ABLIM3: variants seen among roughly 807,000 people sequenced by gnomAD.
ABLIM3 encodes actin-binding LIM protein 3.
In ABLIM3, 61 loss-of-function variants were observed where a neutral mutation model predicts 109.5. The ratio of observed to expected loss-of-function variants is 0.56; its 90% CI spans 0.45 to 0.69. The LOEUF (loss-of-function observed/expected upper bound fraction) is 0.69, where lower values mean the gene tolerates loss of function less well. Ranked by LOEUF, ABLIM3 falls within the 30% of genes least tolerant of loss-of-function variation. The probability of loss-of-function intolerance (pLI) is 0.00; values close to 1 mark genes in which losing one functional copy is unlikely to be tolerated. For missense variants in ABLIM3, 796 were observed against 889.5 expected (o/e 0.89, Z 1.34); for synonymous variants, 300 against 324.8 (o/e 0.92, Z 0.82).
intron 2 of ABLIM3, among the ~76,000 whole-genome samples, chr5:149,159,440 A>G (rs886702526): frequency 2.0e-5 from 3 of 152,206 alleles, no homozygotes; most frequent in African/African-American, 7.2e-5. Context: ...CCTTATCTTG[A>G]TTAAACTGTT....
intron 2 of ABLIM3, among the ~76,000 whole-genome samples, chr5:149,155,566 C>G (rs1185300620): frequency 6.6e-6 from 1 of 152,080 alleles, no homozygotes; most frequent in Non-Finnish European, 1.5e-5. Context: ...TCAATCTGGT[C>G]CTTGGGGCAG....
At chr5:149,210,852 C>G (rs371483335) in intron 7 of ABLIM3, 33 bp downstream of exon 7, 4 of 1,595,598 alleles carry the variant, frequency 2.5e-6, no homozygotes, top group Non-Finnish European at 3.4e-6. Context: ...GAAGATGTGG[C>G]AGGGTGATCT....
At chr5:149,149,894 T>A (rs1348024391) in intron 2 of ABLIM3, among the ~76,000 whole-genome samples, 1 of 152,130 alleles carries the variant, frequency 6.6e-6, no homozygotes, top group African/African-American at 2.4e-5. Context: ...CTACCACAAC[T>A]GCCCCTAGCT....
chr5:149,200,501 A>G, intron 5 of ABLIM3, 73 bp downstream of exon 5: 1 of 1,490,692 alleles, frequency 6.7e-7, no homozygotes, highest in Non-Finnish European at 9.3e-7. Flanking sequence ...CAGCACTGCC[A>G]ACTGCTCCCA....
chr5:149,198,856 C>G lies in ABLIM3; in HGVS notation c.335+454C>G, dbSNP rs552597255. Among the ~76,000 whole-genome samples the G allele has an allele frequency of 3.7e-4, 56 of 152,338 alleles. No individual in the cohort carries two copies. Among genetic ancestry groups the G allele is most frequent in the Non-Finnish European group, 5.0e-4 (34 of 68,032 alleles). ...GTTGGAGTGACCCTGGCAAGTGACC[C>G]CCACCTCTGTAAGCCTCAGTTTCTC... is the stretch of plus-strand genomic sequence containing the variant. On this transcript the variant is annotated intron_variant, in intron 4 of 23. Coordinates refer to ENST00000309868, the MANE Select transcript of ABLIM3 (RefSeq NM_014945.5). The surrounding 1 kb of genome is among the most constrained non-coding windows in gnomAD (Gnocchi z 4.2).
In ABLIM3 at chr5:149,198,502, G is replaced by A; in HGVS notation, c.335+100G>A. The A allele has an allele frequency of 7.2e-7, 1 of 1,386,756 alleles. No individual in the cohort carries two copies. Among genetic ancestry groups the A allele is most frequent in the East Asian group, 2.5e-5 (1 of 39,832 alleles). 85.9% of individuals were successfully genotyped at this position (1,386,756 alleles called of 1,614,324 possible). A position where few individuals can be genotyped will look rare whatever the true frequency, so the allele number is the denominator to read the frequency against. Reference sequence around the variant, plus strand: ...GGAAGTTCTGGGGTTTACAAGGTTTGTGCTGCACATTTAGATTTCTGGAAC... The same window carrying A: ...GGAAGTTCTGGGGTTTACAAGGTTTATGCTGCACATTTAGATTTCTGGAAC... On this transcript the variant is annotated intron_variant, in intron 4 of 23. Transcript: ENST00000309868. The surrounding 1 kb of genome is among the most constrained non-coding windows in gnomAD (Gnocchi z 4.2).
intron 23 of ABLIM3, among the ~76,000 whole-genome samples, chr5:149,256,026 G>C (rs1754395311): frequency 6.6e-6 from 1 of 152,216 alleles, no homozygotes; most frequent in Non-Finnish European, 1.5e-5. Flanking sequence ...ATTTCTCCCT[G>C]GCTGTAAGAG....
At chr5:149,203,403 A>T (rs1264657862) in intron 5 of ABLIM3, among the ~76,000 whole-genome samples, 2 of 96,516 alleles carry the variant, frequency 2.1e-5, no homozygotes, top group Non-Finnish European at 3.0e-5. Flanking sequence ...GAGCAATCAG[A>T]TGCAGTAGCA....
chr5:149,156,137 T>A (rs1393437708), intron 2 of ABLIM3, among the ~76,000 whole-genome samples: 3 of 152,264 alleles, frequency 2.0e-5, no homozygotes, highest in South Asian at 2.1e-4. Context: ...GTGGGCTTGC[T>A]GTATATTCTA....
intron 5 of ABLIM3, among the ~76,000 whole-genome samples, chr5:149,201,432 G>A (rs1758477560): frequency 6.6e-6 from 1 of 152,162 alleles, no homozygotes; most frequent in Non-Finnish European, 1.5e-5. Flanking sequence ...ATGCTGGGCT[G>A]CATCCAGCCA....
intron 8 of ABLIM3, among the ~76,000 whole-genome samples, chr5:149,225,974 G>GTATA (rs1761174769): frequency 1.1e-5 from 1 of 92,200 alleles, no homozygotes; most frequent in African/African-American, 6.7e-5. Flanking sequence ...GTGTGTGTGT[G>GTATA]TGTGTGTGTA....
At chr5:149,191,837 C>T (rs1757500321) in intron 3 of ABLIM3, among the ~76,000 whole-genome samples, 1 of 152,130 alleles carries the variant, frequency 6.6e-6, no homozygotes, top group Admixed American at 6.5e-5. Flanking sequence ...TAAAATTTAA[C>T]ACCCACTTAT....
At position 149,246,503 on chromosome 5, in the gene ABLIM3, C is replaced by G; in HGVS notation, c.1508C>G (p.Ser503Trp). 6.2e-7 allele frequency: 1 copy of G among 1,613,918 alleles called. No individual in the cohort carries two copies. Among genetic ancestry groups the G allele is most frequent in the Non-Finnish European group, 8.5e-7 (1 of 1,179,954 alleles). Residue 503 changes from serine (S) to tryptophan (W), a missense_variant, in exon 17 of 24, where the codon TCG (serine) becomes TGG (tryptophan). Ser to Trp is a radical substitution (Grantham distance 177). Transcript: ENST00000309868. Reference protein sequence around the residue: ...SPKVPRARRFSSGGEEDDFDR... With the variant: ...SPKVPRARRFWSGGEEDDFDR... The stretch of plus-strand genomic sequence containing the variant: ...ACAGTGCCCCGAGCCAGAAGGTTCT[C>G]GTCTGGAGGAGAGGAGGATGATTTT...
At chr5:149,239,314 T>C in intron 12 of ABLIM3, 37 bp downstream of exon 12, 1 of 1,607,980 alleles carries the variant, frequency 6.2e-7, no homozygotes. Context: ...TGATATATAA[T>C]TGTGCCCCTT....
intron 3 of ABLIM3, among the ~76,000 whole-genome samples, chr5:149,185,198 G>A (rs986677042): frequency 3.3e-5 from 5 of 152,136 alleles, no homozygotes; most frequent in African/African-American, 1.2e-4. Flanking sequence ...GCTGGGAAGT[G>A]TTTCCCAGTT....
chr5:149,234,346 G>A (rs1762147693), intron 10 of ABLIM3, among the ~76,000 whole-genome samples: 1 of 152,176 alleles, frequency 6.6e-6, no homozygotes, highest in African/African-American at 2.4e-5. Context: ...ACAAGCCAAA[G>A]GAGCCAAGAA....
chr5:149,151,653 A>G (rs1198017215), intron 2 of ABLIM3, among the ~76,000 whole-genome samples: 2 of 152,248 alleles, frequency 1.3e-5, no homozygotes, highest in African/African-American at 4.8e-5. Flanking sequence ...GCTCTTACAT[A>G]GGAGGTCCCC....
chr5:149,164,801 G>A (rs1262547130), intron 2 of ABLIM3, among the ~76,000 whole-genome samples: 1 of 152,076 alleles, frequency 6.6e-6, no homozygotes, highest in East Asian at 1.9e-4. Flanking sequence ...GAGTGGGTAG[G>A]ATTTTTATAT....
intron 2 of ABLIM3, among the ~76,000 whole-genome samples, chr5:149,145,908 C>T (rs1752863546): frequency 1.3e-5 from 2 of 152,102 alleles, no homozygotes; most frequent in African/African-American, 4.8e-5. Flanking sequence ...ACCTCAGCCT[C>T]CTGAGTAGCT....
Sources: allele counts gnomAD v4.1 joint callset (sites outside exome capture counted in the v4.1 genomes callset), GRCh38; gene constraint gnomAD v4.1.1; non-coding constraint Gnocchi (gnomAD v3.1); transcripts MANE v1.5; gene names NCBI Gene and HGNC (gene_info 2026-07-23, HGNC 2026-07-21).